The following NBEAL1 variants were observed in gnomAD, a reference collection of about 807,000 sequenced individuals.
The protein encoded by NBEAL1 is neurobeachin like 1.
In NBEAL1, 273 loss-of-function variants were observed where a neutral mutation model predicts 351.3. The observed-to-expected ratio is 0.78, with a 90% CI of 0.70 to 0.86. The LOEUF (loss-of-function observed/expected upper bound fraction) is 0.86. Among genes scored for constraint, NBEAL1 ranks in the 40% least tolerant of loss-of-function variants. NBEAL1 has a pLI of 0.00. For missense variants in NBEAL1, 2,961 were observed against 3,201.3 expected (o/e 0.92, Z 1.81); for synonymous variants, 1,050 against 1,086.4 (o/e 0.97, Z 0.66).
At position 203,132,026 on chromosome 2, in the gene NBEAL1, T is replaced by C. The variant is rs1427119291; in HGVS notation, c.3618T>C (p.His1206=). 1.9e-6 allele frequency: 3 copies of C among 1,554,604 alleles called. No homozygotes were observed. Among genetic ancestry groups the C allele is most frequent in the South Asian group, 2.4e-5 (2 of 84,322 alleles). The change falls in exon 26 of 56, where the codon CAT becomes CAC. Residue 1206 remains histidine (H), a synonymous_variant. Coordinates refer to ENST00000683969, the MANE Select transcript of NBEAL1 (RefSeq NM_001378026.1). The part of the protein sequence containing the change: ...CTNVYERSKQ[H]IRLREVGYSG... ...ACGTTTATGAGCGTAGTAAACAACA[T>C]ATTCGACTCAGAGAAGTTGGCTACT...
At chr2:203,181,669 T>C (rs577895056) in intron 43 of NBEAL1, 1 of 152,316 alleles carries the variant, frequency 6.6e-6, no homozygotes, top group African/African-American at 2.4e-5. Context: ...ACCCTTCATT[T>C]ATTCAGTACA....
intron 38 of NBEAL1, among the ~76,000 whole-genome samples, chr2:203,168,448 T>A (rs767173688): frequency 1.3e-5 from 2 of 152,164 alleles, no homozygotes; most frequent in Non-Finnish European, 2.9e-5. Flanking sequence ...CTGGTCGTGG[T>A]GGCACATGCC....
intron 7 of NBEAL1, among the ~76,000 whole-genome samples, chr2:203,072,064 C>T (rs994145014): frequency 3.3e-5 from 5 of 152,190 alleles, no homozygotes; most frequent in South Asian, 4.1e-4. Context: ...TGTGGTCCTA[C>T]CCTTTGAAAC....
chr2:203,123,044 A>T (rs75251132), intron 19 of NBEAL1, among the ~76,000 whole-genome samples: 2,660 of 152,122 alleles, frequency 0.017, 70 homozygotes, highest in East Asian at 0.088. Context: ...ACCTAAGTTA[A>T]ATAAAAGAAA....
intron 40 of NBEAL1, 31 bp from the exon 41 acceptor site, chr2:203,172,698 A>C (rs773196260): frequency 1.9e-6 from 3 of 1,587,290 alleles, no homozygotes; most frequent in Non-Finnish European, 1.7e-6. Context: ...CTAGGAAGGA[A>C]TGTCTAAATT....
At chr2:203,172,668 A>G (rs1486603737) in intron 40 of NBEAL1, 61 bp from the exon 41 acceptor site, 1 of 1,469,336 alleles carries the variant, frequency 6.8e-7, no homozygotes, top group Non-Finnish European at 9.2e-7. Context: ...TTGATATTAG[A>G]TATGAGGATA....
chr2:203,072,251 G>C (rs2061695599), intron 7 of NBEAL1, among the ~76,000 whole-genome samples: 1 of 152,008 alleles, frequency 6.6e-6, no homozygotes, highest in Admixed American at 6.6e-5. Context: ...CACTTTCTCT[G>C]TCCCCTTTAG....
At chr2:203,056,395 A>G (rs2061402101) in intron 4 of NBEAL1, 32 bp from the exon 5 acceptor site, 6 of 1,191,404 alleles carry the variant, frequency 5.0e-6, no homozygotes, top group Non-Finnish European at 7.3e-6. Flanking sequence ...CACCATTCTT[A>G]TGTAAAAAAT....
At chr2:203,169,128 A>G (rs4675317) in intron 38 of NBEAL1, among the ~76,000 whole-genome samples, 7,348 of 152,092 alleles carry the variant, frequency 0.048, 258 homozygotes, top group Admixed American at 0.078. Context: ...TATTTCCGTT[A>G]TACATGATAA....
At chr2:203,054,930 A>G (rs2106087824) in intron 4 of NBEAL1, among the ~76,000 whole-genome samples, 1 of 152,190 alleles carries the variant, frequency 6.6e-6, no homozygotes, top group East Asian at 1.9e-4. Context: ...CAGGCTCTGA[A>G]TTCTAGTTTT....
At chr2:203,215,464 G>A (rs1216135636) in intron 55 of NBEAL1, among the ~76,000 whole-genome samples, 4 of 152,086 alleles carry the variant, frequency 2.6e-5, no homozygotes, top group Admixed American at 6.6e-5. Flanking sequence ...AGCCGAGATT[G>A]TGCCACTGCA....
chr2:203,035,796 A>G (rs1458521826), intron 2 of NBEAL1, among the ~76,000 whole-genome samples: 1 of 149,356 alleles, frequency 6.7e-6, no homozygotes, highest in African/African-American at 2.4e-5. Context: ...ATCATGAAAC[A>G]TTTAGATATG....
Position 203,113,319 on chromosome 2 carries a change from G to A in NBEAL1, c.2506+1G>A. The A allele has an allele frequency of 7.2e-7, 1 of 1,382,596 alleles. No homozygotes were observed. The highest frequency in any genetic ancestry group is 1.5e-5 in the African/African-American group (1 of 68,118). 85.6% of individuals were successfully genotyped at this position (1,382,596 alleles called of 1,614,324 possible). A position where few individuals can be genotyped will look rare whatever the true frequency, so the allele number is the denominator to read the frequency against. ...CAGGTGAAGGCATTATATTTAGCAG[G>A]TAAGCATGTACAGTCATAATGCTTA... On this transcript the variant is annotated splice_donor_variant, in intron 17 of 55. Transcript: ENST00000683969. LOFTEE classifies it high-confidence loss of function.
chr2:203,077,342 C>A (rs973581914), intron 7 of NBEAL1, among the ~76,000 whole-genome samples: 13 of 151,902 alleles, frequency 8.6e-5, no homozygotes, highest in African/African-American at 2.7e-4. Context: ...TGCACTCCAG[C>A]CTGGGCGATA....
Position 203,122,292 on chromosome 2 carries a change from T to C in NBEAL1, c.2631T>C (p.Asn877=), listed in dbSNP as rs1181894235. The change falls in exon 19 of 56, where the codon AAT becomes AAC. Residue 877 remains asparagine (N), a synonymous_variant. Coordinates refer to ENST00000683969, the MANE Select transcript of NBEAL1 (RefSeq NM_001378026.1). ...CAATCTGTCTTGATTTATCTACTAA[T>C]TGTTTGCATGGAAGATTAACAGGAA... The part of the protein sequence containing the change: ...KNSICLDLST[N]CLHGRLTGNK... 192 of 1,545,184 alleles carry C rather than the reference T, an allele frequency of 1.2e-4. No individual in the cohort carries two copies. Among genetic ancestry groups the C allele is most frequent in the Non-Finnish European group, 1.6e-4 (184 of 1,145,008 alleles).
In NBEAL1 at chr2:203,138,658, A is replaced by G; in HGVS notation, c.4758A>G (p.Ser1586=). ...EDMMLLFDCL[S]VCYSESPVWV... Reference sequence around the variant, plus strand: ...TGATGCTGCTCTTTGACTGTCTGTCAGTCTGCTATTCTGAAAGTCCAGTAT... The same window carrying G: ...TGATGCTGCTCTTTGACTGTCTGTCGGTCTGCTATTCTGAAAGTCCAGTAT... The change falls in exon 31 of 56, where the codon TCA becomes TCG. Residue 1586 remains serine, a synonymous_variant. Coordinates refer to ENST00000683969, the MANE Select transcript of NBEAL1 (RefSeq NM_001378026.1). 6.2e-7 allele frequency: 1 copy of G among 1,612,578 alleles called. No homozygotes were observed. The highest frequency in any genetic ancestry group is 2.2e-5 in the East Asian group (1 of 44,786).
intron 10 of NBEAL1, among the ~76,000 whole-genome samples, chr2:203,092,883 G>C (rs1397020877): frequency 6.6e-6 from 1 of 152,262 alleles, no homozygotes. Context: ...TATTGGTGAA[G>C]TAAATTGTTA....
chr2:203,142,291 G>A (rs2063402475), intron 31 of NBEAL1, among the ~76,000 whole-genome samples: 1 of 152,188 alleles, frequency 6.6e-6, no homozygotes, highest in Non-Finnish European at 1.5e-5. Context: ...AAGTAGCTGG[G>A]ATTATAGGCA....
At chr2:203,023,853 G>A (rs1168812437) in intron 2 of NBEAL1, among the ~76,000 whole-genome samples, 2 of 152,192 alleles carry the variant, frequency 1.3e-5, no homozygotes, top group Non-Finnish European at 2.9e-5. Flanking sequence ...AGAGAAGAAG[G>A]TAAAAGGAAG....
Sources: allele counts gnomAD v4.1 joint callset (sites outside exome capture counted in the v4.1 genomes callset), GRCh38; gene constraint gnomAD v4.1.1; transcripts MANE v1.5; gene names NCBI Gene and HGNC (gene_info 2026-07-23, HGNC 2026-07-21).